SMIM36: variants seen among roughly 807,000 people sequenced by gnomAD.
The protein encoded by SMIM36 is small integral membrane protein 36.
At chr17:55,477,318 A>G (rs961391530) in intron 3 of SMIM36, 1 of 152,198 alleles carries the variant, frequency 6.6e-6, no homozygotes, top group African/African-American at 2.4e-5. Context: ...TGGGAAGAGA[A>G]TCTTTCCTTG....
intron 1 of SMIM36, among the ~76,000 whole-genome samples, chr17:55,501,659 T>C (rs1057028672): frequency 6.9e-6 from 1 of 144,042 alleles, no homozygotes; most frequent in African/African-American, 2.6e-5. Context: ...ATATATTGAA[T>C]ATATAATATA....
At chr17:55,456,390 T>G (rs1414177320) in intron 4 of SMIM36, among the ~76,000 whole-genome samples, 2 of 152,220 alleles carry the variant, frequency 1.3e-5, no homozygotes, top group African/African-American at 4.8e-5. Flanking sequence ...CACAGAAGTC[T>G]GATTCAGATT....
chr17:55,484,264 G>C (rs1436862400), intron 1 of SMIM36, among the ~76,000 whole-genome samples: 1 of 152,182 alleles, frequency 6.6e-6, no homozygotes, highest in Non-Finnish European at 1.5e-5. Flanking sequence ...GTTAAGCACT[G>C]ATTCTGTATA....
At position 55,493,471 on chromosome 17, in the gene SMIM36, C is replaced by A. The variant is rs16955992; in HGVS notation, c.*175-13891G>T. On this transcript the variant is annotated intron_variant, in intron 1 of 4. Coordinates refer to ENST00000636752, the Ensembl canonical transcript of SMIM36. The stretch of plus-strand genomic sequence containing the variant: ...GTGTTGGTAATATCAAGTCAAGGGT[C>A]GCACCTATTTTCCTGATAGTTCAGT... Among the ~76,000 whole-genome samples the A allele has an allele frequency of 9.2e-3, 1,398 of 152,110 alleles. 22 individuals carry two copies. The highest frequency in any genetic ancestry group is 0.032 in the African/African-American group (1,308 of 41,474).
intron 4 of SMIM36, among the ~76,000 whole-genome samples, chr17:55,457,828 T>G (rs1007982178): frequency 2.6e-5 from 4 of 152,120 alleles, no homozygotes; most frequent in Non-Finnish European, 4.4e-5. Context: ...GCCGGCCTTT[T>G]GTTAATTAAA....
At position 55,471,521 on chromosome 17, in the gene SMIM36, C is replaced by G. The variant is rs182147729; in HGVS notation, c.*348-4193G>C. Among the ~76,000 whole-genome samples, 402 of 152,272 alleles carry G rather than the reference C, an allele frequency of 2.6e-3. 1 individual carries two copies. Among genetic ancestry groups the G allele is most frequent in the Non-Finnish European group, 2.0e-3 (139 of 68,014 alleles). On this transcript the variant is annotated intron_variant, in intron 3 of 4. Coordinates refer to ENST00000636752, the Ensembl canonical transcript of SMIM36. ...CCAGACCCCAATCCCCACCACCAAA[C>G]AGCAACTCCTTTCCTTCTTAGGCAT...
intron 3 of SMIM36, among the ~76,000 whole-genome samples, chr17:55,472,049 C>T (rs1260327189): frequency 2.6e-5 from 4 of 152,316 alleles, no homozygotes; most frequent in Admixed American, 2.6e-4. Flanking sequence ...GTAACTATTA[C>T]CCATGGGCCT....
intron 1 of SMIM36, among the ~76,000 whole-genome samples, chr17:55,484,640 T>C (rs919747922): frequency 5.9e-5 from 9 of 152,182 alleles, no homozygotes; most frequent in African/African-American, 1.9e-4. Context: ...CTAATGTCAA[T>C]GTATAGGAAA....
chr17:55,508,697 C>T (rs1303809560), intron 1 of SMIM36, among the ~76,000 whole-genome samples: 3 of 151,374 alleles, frequency 2.0e-5, no homozygotes, highest in African/African-American at 7.3e-5. Flanking sequence ...CCGAGGTGGG[C>T]GGATCACCTG....
intron 1 of SMIM36, among the ~76,000 whole-genome samples, chr17:55,485,466 T>C (rs915005512): frequency 1.3e-5 from 2 of 150,904 alleles, no homozygotes; most frequent in African/African-American, 4.9e-5. Flanking sequence ...TTTTTTTTTT[T>C]CCTGTACAGA....
intron 4 of SMIM36, chr17:55,458,514 ACC>A (rs2143234123): frequency 6.6e-6 from 1 of 152,250 alleles, no homozygotes; most frequent in South Asian, 2.1e-4. Context: ...ATTTCCCGAC[ACC>A]ACCCTGGCCT....
intron 4 of SMIM36, among the ~76,000 whole-genome samples, chr17:55,464,038 C>T (rs1909191906): frequency 6.6e-6 from 1 of 151,950 alleles, no homozygotes; most frequent in Admixed American, 6.6e-5. Context: ...TTGCCTGAAC[C>T]CAGGAGGCAG....
chr17:55,462,665 G>A (rs776656509), intron 4 of SMIM36, among the ~76,000 whole-genome samples: 20 of 152,208 alleles, frequency 1.3e-4, no homozygotes, highest in African/African-American at 1.7e-4. Flanking sequence ...GGCATGCAGC[G>A]TTGTCATGAG....
chr17:55,492,628 T>TAAA (rs57104591), intron 1 of SMIM36, among the ~76,000 whole-genome samples: 64 of 143,346 alleles, frequency 4.5e-4, no homozygotes, highest in Admixed American at 1.1e-3. Flanking sequence ...TACACCCACT[T>TAAA]AAAAAAAAAA....
chr17:55,490,593 C>A (rs889573338), intron 1 of SMIM36, among the ~76,000 whole-genome samples: 7 of 152,158 alleles, frequency 4.6e-5, no homozygotes, highest in Non-Finnish European at 7.3e-5. Context: ...GCCGTATGGT[C>A]TCCCAGAAAC....
At chr17:55,532,131 G>A in the SMIM36 span, among the ~76,000 whole-genome samples, 1 of 152,218 alleles carries the variant, frequency 6.6e-6, no homozygotes, top group Non-Finnish European at 1.5e-5. Context: ...CATTTCTGCT[G>A]TTAACTTTCT....
chr17:55,507,854 C>T (rs1026677419), intron 1 of SMIM36, among the ~76,000 whole-genome samples: 8 of 152,164 alleles, frequency 5.3e-5, no homozygotes, highest in East Asian at 1.9e-4. Flanking sequence ...TTAAGCCAGG[C>T]GTCGTGCTGA....
intron 3 of SMIM36, among the ~76,000 whole-genome samples, chr17:55,474,165 G>A (rs959386730): frequency 2.0e-5 from 3 of 152,150 alleles, no homozygotes; most frequent in East Asian, 1.9e-4. Flanking sequence ...CAAAGCTCCT[G>A]GCCAAATAAA....
At chr17:55,452,907 C>A (rs546052172) in intron 4 of SMIM36, among the ~76,000 whole-genome samples, 1 of 152,278 alleles carries the variant, frequency 6.6e-6, no homozygotes, top group Non-Finnish European at 1.5e-5. Context: ...AAGTAAGATG[C>A]TCAGTGATCT....
Sources: gnomAD v4.1 joint callset for allele counts (sites outside exome capture counted in the v4.1 genomes callset) on GRCh38, gnomAD v4.1.1 for gene constraint, MANE v1.5 for transcripts, NCBI Gene and HGNC (gene_info 2026-07-23, HGNC 2026-07-21) for gene names.